Variants in PCSK6 observed in about 807,000 individuals in gnomAD.
PCSK6 encodes the protein proprotein convertase subtilisin/kexin type 6.
Under a neutral mutation model 123.3 loss-of-function variants are expected in PCSK6, and 85 were observed. That is an observed-to-expected ratio of 0.69 (90% CI 0.58 to 0.83). The LOEUF is 0.83. Among genes scored for constraint, PCSK6 ranks in the 40% least tolerant of loss-of-function variants. The pLI, the probability that PCSK6 is intolerant of heterozygous loss-of-function variation, is 0.00. For missense variants in PCSK6, 1,191 were observed against 1,282.3 expected (o/e 0.93, Z 1.09); for synonymous variants, 508 against 516.0 (o/e 0.98, Z 0.21).
intron 1 of PCSK6, among the ~76,000 whole-genome samples, chr15:101,488,433 G>A (rs972897135): frequency 1.1e-4 from 16 of 152,184 alleles, no homozygotes; most frequent in African/African-American, 3.9e-4. Context: ...GGGTAATGCC[G>A]CCTTTGTGCC....
chr15:101,405,048 G>A (rs566873480), intron 6 of PCSK6, among the ~76,000 whole-genome samples: 13 of 152,140 alleles, frequency 8.5e-5, no homozygotes, highest in South Asian at 4.1e-4. Context: ...AGCATCACGC[G>A]CTTAGATCTT....
chr15:101,367,578 C>T (rs1442439531), intron 12 of PCSK6, among the ~76,000 whole-genome samples: 1 of 152,210 alleles, frequency 6.6e-6, no homozygotes, highest in Non-Finnish European at 1.5e-5. Context: ...CTGAACCCAA[C>T]ACACTGGGGA....
intron 5 of PCSK6, among the ~76,000 whole-genome samples, 172 bp from the exon 6 acceptor site, chr15:101,428,152 C>A (rs2056322976): frequency 6.6e-6 from 1 of 152,216 alleles, no homozygotes; most frequent in South Asian, 2.1e-4. Context: ...GGAGAAGGCA[C>A]CAAGTCAGCC....
At chr15:101,370,544 C>T (rs1409603022) in intron 11 of PCSK6, 21 bp from the exon 12 acceptor site, 3 of 1,421,614 alleles carry the variant, frequency 2.1e-6, no homozygotes, top group East Asian at 2.7e-5. Flanking sequence ...AGGGAGGGCT[C>T]AGCACTTGGC....
intron 8 of PCSK6, among the ~76,000 whole-genome samples, chr15:101,391,135 G>C (rs1003948941): frequency 6.6e-6 from 1 of 152,158 alleles, no homozygotes; most frequent in Non-Finnish European, 1.5e-5. Context: ...TTTCAGTGGG[G>C]CTGGGGTACC....
At chr15:101,447,843 T>C (rs2056930934) in intron 1 of PCSK6, among the ~76,000 whole-genome samples, 1 of 152,168 alleles carries the variant, frequency 6.6e-6, no homozygotes, top group Non-Finnish European at 1.5e-5. Flanking sequence ...AGCCGGTGCC[T>C]GAGCAGCCCG....
At chr15:101,316,439 T>C (rs1345792279) in intron 19 of PCSK6, 8 of 152,252 alleles carry the variant, frequency 5.3e-5, no homozygotes, top group African/African-American at 1.4e-4. Context: ...AAGTGAATTA[T>C]TGAAATCAAA....
chr15:101,375,313 T>TC (rs935547241), intron 11 of PCSK6, among the ~76,000 whole-genome samples: 4 of 121,468 alleles, frequency 3.3e-5, no homozygotes, highest in African/African-American at 1.3e-4. Context: ...AAATTTAACC[T>TC]CAAAAAAAAA....
chr15:101,338,158 G>C (rs2040525494), intron 13 of PCSK6, among the ~76,000 whole-genome samples: 1 of 152,140 alleles, frequency 6.6e-6, no homozygotes, highest in Non-Finnish European at 1.5e-5. Flanking sequence ...CAGGCCACCT[G>C]GGCAAATCAG....
chr15:101,390,741 G>A (rs564409564), intron 8 of PCSK6, among the ~76,000 whole-genome samples: 171 of 152,334 alleles, frequency 1.1e-3, no homozygotes, highest in Non-Finnish European at 1.8e-3. Context: ...GCCTCCGGAA[G>A]GAACCACGGC....
At chr15:101,365,105 T>C in intron 13 of PCSK6, 1 of 705,118 alleles carries the variant, frequency 1.4e-6, no homozygotes, top group Non-Finnish European at 2.7e-6. Flanking sequence ...TACAAAAGAA[T>C]GAGTTTGGAC....
chr15:101,392,241 C>T (rs1281141119), intron 8 of PCSK6, among the ~76,000 whole-genome samples: 2 of 152,206 alleles, frequency 1.3e-5, no homozygotes, highest in African/African-American at 4.8e-5. Context: ...CTGCCCGTCC[C>T]AGGGGTGCGT....
intron 11 of PCSK6, among the ~76,000 whole-genome samples, chr15:101,378,112 T>C (rs946591798): frequency 2.6e-5 from 4 of 152,252 alleles, no homozygotes; most frequent in Admixed American, 1.3e-4. Context: ...ATTTCATTCG[T>C]TGGAATAATA....
chr15:101,433,440 A>C (rs1256769485), intron 2 of PCSK6, among the ~76,000 whole-genome samples: 1 of 152,206 alleles, frequency 6.6e-6, no homozygotes, highest in Non-Finnish European at 1.5e-5. Context: ...AATAATGCTC[A>C]AAGCTGGGGT....
intron 1 of PCSK6, among the ~76,000 whole-genome samples, chr15:101,445,418 GC>G (rs2056862947): frequency 6.6e-6 from 1 of 152,158 alleles, no homozygotes; most frequent in South Asian, 2.1e-4. Context: ...GACCCAGCAG[GC>G]AGGTAGTAAG....
chr15:101,451,229 T>C (rs2057026282), intron 1 of PCSK6, among the ~76,000 whole-genome samples: 1 of 152,008 alleles, frequency 6.6e-6, no homozygotes, highest in Non-Finnish European at 1.5e-5. Flanking sequence ...CTACTTTACA[T>C]GTTTAATTTG....
At chr15:101,389,362 C>T in intron 9 of PCSK6, 102 bp downstream of exon 9, 1 of 879,878 alleles carries the variant, frequency 1.1e-6, no homozygotes, top group Non-Finnish European at 1.9e-6. Context: ...CTTAATGCCG[C>T]TGAGCTGTCC....
In PCSK6 at chr15:101,398,312, A is replaced by C; in HGVS notation, c.996+92T>G. On this transcript the variant is annotated intron_variant, in intron 7 of 21. Transcript: ENST00000611716. The surrounding 1 kb of genome is among the most constrained non-coding windows in gnomAD (Gnocchi z 4.6). ...AGCAGAGTCTTCCCTGTCTTGTTTC[A>C]GGGCTGTGGCCAGTGTCACTCTGAT... 1 of 1,424,060 alleles carries C rather than the reference A, an allele frequency of 7.0e-7. No individual in the cohort carries two copies. The highest frequency in any genetic ancestry group is 9.5e-7 in the Non-Finnish European group (1 of 1,048,910). 88.2% of individuals were successfully genotyped at this position (1,424,060 alleles called of 1,614,324 possible). A position where few individuals can be genotyped will look rare whatever the true frequency, so the allele number is the denominator to read the frequency against.
intron 9 of PCSK6, among the ~76,000 whole-genome samples, chr15:101,386,601 C>T (rs1003720483): frequency 6.6e-6 from 1 of 152,168 alleles, no homozygotes; most frequent in Non-Finnish European, 1.5e-5. Flanking sequence ...GTAAGTGGAA[C>T]CACACAGGAT....
Sources: gnomAD v4.1 joint callset for allele counts (sites outside exome capture counted in the v4.1 genomes callset) on GRCh38, gnomAD v4.1.1 for gene constraint, Gnocchi (gnomAD v3.1) non-coding constraint, MANE v1.5 for transcripts, NCBI Gene and HGNC (gene_info 2026-07-23, HGNC 2026-07-21) for gene names.